Variants in LILRA1 observed in about 807,000 individuals in gnomAD.
LILRA1 encodes leukocyte immunoglobulin like receptor A1, also known as leukocyte immunoglobulin-like receptor subfamily A member 1.
LILRA1 carries 51 observed loss-of-function variants against 51.6 expected under a neutral mutation model. The ratio of observed to expected loss-of-function variants is 0.99; its 90% CI spans 0.79 to 1.25. The LOEUF (loss-of-function observed/expected upper bound fraction) is 1.25, where lower values mean the gene tolerates loss of function less well. LILRA1 is among the 50% of genes most tolerant of loss of function. LILRA1 has a pLI of 0.00. For synonymous variants in LILRA1, 305 were observed against 248.4 expected (o/e 1.23, Z -2.14); for missense variants, 660 against 611.7 (o/e 1.08, Z -0.83).
At chr19:54,594,300 G>A (rs767955029) in intron 2 of LILRA1, 22 bp downstream of exon 2, 2 of 1,612,868 alleles carry the variant, frequency 1.2e-6, no homozygotes, top group African/African-American at 1.3e-5. Context: ...AGAGGGAGGG[G>A]AGCTTCTAAC....
At position 54,594,446 on chromosome 19, in the gene LILRA1, A is replaced by T; in HGVS notation, c.40A>T (p.Ser14Cys). ...CACAGGGAACTCTCTTCCAGGGCTG[A>T]GTCTGGGCCCCCGGACCCACGTGCA... Reference protein sequence around the residue: ...IVTVLICLRLSLGPRTHVQAG... With the variant: ...IVTVLICLRLCLGPRTHVQAG... Residue 14 changes from serine to cysteine, a missense_variant, in exon 3 of 10, where the codon AGT becomes TGT. Coordinates refer to ENST00000251372, the MANE Select transcript of LILRA1 (RefSeq NM_006863.4). 14 of 1,614,188 alleles carry T rather than the reference A, an allele frequency of 8.7e-6. No individual in the cohort carries two copies. Among genetic ancestry groups the T allele is most frequent in the Non-Finnish European group, 1.1e-5 (13 of 1,180,020 alleles).
At chr19:54,596,696 C>A (rs1437715265) in intron 7 of LILRA1, among the ~76,000 whole-genome samples, 1 of 152,044 alleles carries the variant, frequency 6.6e-6, no homozygotes, top group Admixed American at 6.5e-5. Context: ...TGAACCCCGT[C>A]TCCACTAAAA....
Position 54,595,350 on chromosome 19 carries a change from C to A in LILRA1, c.609C>A (p.Asn203Lys), listed in dbSNP as rs1416160478. Residue 203 changes from asparagine to lysine, a missense_variant, in exon 5 of 10, where the codon AAC becomes AAA. Physicochemically the swap from Asn to Lys is moderately conservative, Grantham distance 94 (BLOSUM62 0). Transcript: ENST00000251372. ...ACAGGTGCTATGCTTATGACTCGAA[C>A]TCTCCCCATGTGTGGTCTCTACCCA... ...WSYRCYAYDS[N>K]SPHVWSLPSD... is the part of the protein sequence containing the mutation. The A allele has an allele frequency of 1.7e-5, 28 of 1,613,396 alleles. No individual in the cohort carries two copies. The highest frequency in any genetic ancestry group is 3.3e-5 in the Admixed American group (2 of 59,970).
chr19:54,600,415 C>T (rs778215476), intron 8 of LILRA1, 97 bp from the exon 9 acceptor site: 22 of 1,219,230 alleles, frequency 1.8e-5, no homozygotes, highest in Admixed American at 3.6e-5. Flanking sequence ...TTGAGGAACT[C>T]CCTAGAACTC....
chr19:54,595,812 C>A lies in LILRA1; in HGVS notation c.835C>A (p.Gln279Lys). The A allele has an allele frequency of 1.2e-6, 2 of 1,614,220 alleles. No individual in the cohort carries two copies. The highest frequency in any genetic ancestry group is 1.7e-6 in the Non-Finnish European group (2 of 1,180,018). ...CCCACAGCCCCAGGCTGGGCTCTCC[C>A]AGGCCAACTTCACCCTGGGCCCTGT... is the stretch of plus-strand genomic sequence containing the variant. The part of the protein sequence containing the change: ...PGPQPQAGLS[Q>K]ANFTLGPVSR... The change falls in exon 6 of 10, where the codon CAG becomes AAG. Residue 279 changes from glutamine (Q) to lysine (K), a missense_variant. By Grantham distance (53) the Gln-to-Lys change is moderately conservative. Transcript: ENST00000251372.
chr19:54,596,341 TC>T lies in LILRA1; in HGVS notation c.1112del (p.Ser371Ter). On this transcript the variant is annotated frameshift_variant, in exon 7 of 10. Transcript: ENST00000251372. LOFTEE classifies it high-confidence loss of function. ...GAADAPLRLRSIHEYPKYQAE... is the reference protein window; with the variant it reads ...GAADAPLRLRXIHEYPKYQAE... ...AGCTGATGCCCCCCTCCGTCTCAGA[TC>T]AATACACGAATATCCTAAGTACCAG... 1.9e-6 allele frequency: 3 copies of T among 1,613,962 alleles called. No individual in the cohort carries two copies. Among genetic ancestry groups the T allele is most frequent in the Non-Finnish European group, 2.5e-6 (3 of 1,179,968 alleles).
chr19:54,595,219 G>A lies in LILRA1; in HGVS notation c.478G>A (p.Gly160Arg). ...TGGCAGCTTCATTCTGTGTAAGGAA[G>A]GAGAAGATGAACACCCACAATGCCT... ...AFGSFILCKE[G>R]EDEHPQCLNS... Residue 160 changes from glycine to arginine, a missense_variant, in exon 5 of 10, where the codon GGA becomes AGA. Physicochemically the swap from Gly to Arg is moderately radical, Grantham distance 125 (BLOSUM62 -2). Coordinates refer to ENST00000251372, the MANE Select transcript of LILRA1 (RefSeq NM_006863.4). 1 of 1,614,120 alleles carries A rather than the reference G, an allele frequency of 6.2e-7. No individual in the cohort carries two copies. Among genetic ancestry groups the A allele is most frequent in the Non-Finnish European group, 8.5e-7 (1 of 1,179,998 alleles).
intron 8 of LILRA1, 147 bp downstream of exon 8, chr19:54,599,433 T>G: frequency 7.6e-7 from 1 of 1,322,518 alleles, no homozygotes; most frequent in Non-Finnish European, 1.0e-6. Flanking sequence ...GATTTATAAG[T>G]GAAGTATTTC....
Position 54,601,006 on chromosome 19 carries a change from C to G in LILRA1, c.*189C>G, listed in dbSNP as rs527895235. The G allele has an allele frequency of 1.1e-5, 7 of 655,282 alleles. No individual in the cohort carries two copies. Among genetic ancestry groups the G allele is most frequent in the Non-Finnish European group, 1.6e-5 (6 of 374,998 alleles). The allele number at this position is 655,282 out of a possible 1,614,324, so 40.6% of individuals were successfully genotyped here. A position where few individuals can be genotyped will look rare whatever the true frequency, so the allele number is the denominator to read the frequency against. On this transcript the variant is annotated 3_prime_UTR_variant, in exon 10 of 10. Transcript: ENST00000251372. Reference sequence around the variant, plus strand: ...TTGCAGAGACATTTTCTGGAGTGATCCATGAAGGACCATTAACCTGTGATA... The same window carrying G: ...TTGCAGAGACATTTTCTGGAGTGATGCATGAAGGACCATTAACCTGTGATA...
At chr19:54,598,806 T>A (rs2063110717) in intron 7 of LILRA1, among the ~76,000 whole-genome samples, 2 of 141,620 alleles carry the variant, frequency 1.4e-5, no homozygotes, top group South Asian at 2.3e-4. Context: ...TAAAAAAAAT[T>A]TTTTTTGAGA....
Position 54,594,236 on chromosome 19 carries a change from G to A in LILRA1, c.-9G>A. ...CCATCCGCAGAGCAGGGCAGTGGGA[G>A]GAGACGCTATGACCCCCATCGTCAC... is the stretch of plus-strand genomic sequence containing the variant. On this transcript the variant is annotated 5_prime_UTR_variant, in exon 2 of 10. Transcript: ENST00000251372. 1 of 1,613,090 alleles carries A rather than the reference G, an allele frequency of 6.2e-7. No homozygotes were observed. Among genetic ancestry groups the A allele is most frequent in the East Asian group, 2.2e-5 (1 of 44,870 alleles).
intron 7 of LILRA1, among the ~76,000 whole-genome samples, chr19:54,597,896 T>C (rs1025254430): frequency 6.0e-5 from 9 of 150,712 alleles, no homozygotes; most frequent in African/African-American, 2.2e-4. Context: ...GGCCCCTCCT[T>C]AGTCTCAGGG....
chr19:54,596,278 G>A lies in LILRA1; in HGVS notation c.1048G>A (p.Gly350Arg), dbSNP rs375355753. 2.2e-5 allele frequency: 35 copies of A among 1,613,954 alleles called. No homozygotes were observed. Among genetic ancestry groups the A allele is most frequent in the Non-Finnish European group, 2.1e-5 (25 of 1,180,018 alleles). ...CGTGACCCTGCTGTGTCAGTCATGG[G>A]GGCCGTTCCACACTTTCCTTCTGAC... ...ENVTLLCQSWGPFHTFLLTKA... is the reference protein window; with the variant it reads ...ENVTLLCQSWRPFHTFLLTKA... The change falls in exon 7 of 10, where the codon GGG becomes AGG. Residue 350 changes from glycine (G) to arginine (R), a missense_variant. By Grantham distance (125) the Gly-to-Arg change is moderately radical (BLOSUM62 -2). Transcript: ENST00000251372.
intron 5 of LILRA1, 51 bp from the exon 6 acceptor site, chr19:54,595,588 G>T (rs1200082635): frequency 6.4e-7 from 1 of 1,568,986 alleles, no homozygotes; most frequent in East Asian, 2.2e-5. Flanking sequence ...GGGAGGATAT[G>T]TGGGGAAGCC....
rs915551004 is a variant in LILRA1 at position 54,601,060 on chromosome 19, C to T, written c.*243C>T. 1 of 577,888 alleles carries T rather than the reference C, an allele frequency of 1.7e-6. No homozygotes were observed. Among genetic ancestry groups the T allele is most frequent in the African/African-American group, 1.9e-5 (1 of 53,366 alleles). 35.8% of individuals were successfully genotyped at this position (577,888 alleles called of 1,614,324 possible). ...TTCCTCTCTATTAATGTTGACTTCC[C>T]TTGGTTGGATCCTCTTCTTTCCCCA... On this transcript the variant is annotated 3_prime_UTR_variant, in exon 10 of 10. Transcript: ENST00000251372.
At chr19:54,594,381 G>T in intron 2 of LILRA1, 60 bp from the exon 3 acceptor site, 1 of 1,614,198 alleles carries the variant, frequency 6.2e-7, no homozygotes. Context: ...AAAGATCCCA[G>T]GGAGGGGAGG....
intron 7 of LILRA1, among the ~76,000 whole-genome samples, chr19:54,597,649 C>T (rs140748968): frequency 0.011 from 1,604 of 151,876 alleles, 29 homozygotes; most frequent in African/African-American, 0.036. Context: ...CAGAGGCGGG[C>T]GAGTTGGAAA....
At chr19:54,594,312 T>C (rs375181049) in intron 2 of LILRA1, 34 bp downstream of exon 2, 30 of 1,612,914 alleles carry the variant, frequency 1.9e-5, no homozygotes, top group Non-Finnish European at 1.2e-5. Context: ...GCTTCTAACC[T>C]AGGAGGGACC....
chr19:54,595,627 A>C lies in LILRA1; in HGVS notation c.662-12A>C. The C allele has an allele frequency of 6.3e-7, 1 of 1,598,318 alleles. No homozygotes were observed. Among genetic ancestry groups the C allele is most frequent in the Non-Finnish European group, 8.5e-7 (1 of 1,170,176 alleles). On this transcript the variant is annotated splice_polypyrimidine_tract_variant and intron_variant, in intron 5 of 9. Transcript: ENST00000251372. ...GGGTCGGCTCCTGGAAACCATGAGC[A>C]CCTTTTCCCAGGTGTTTCTAAGAAG...
Sources: allele counts gnomAD v4.1 joint callset (sites outside exome capture counted in the v4.1 genomes callset), GRCh38; gene constraint gnomAD v4.1.1; transcripts MANE v1.5; gene names NCBI Gene and HGNC (gene_info 2026-07-23, HGNC 2026-07-21).